RYR3: variants seen among roughly 807,000 people sequenced by gnomAD.
The protein encoded by RYR3 is ryanodine receptor 3, also known as brain ryanodine receptor-calcium release channel.
A neutral mutation model predicts 584.3 loss-of-function variants in RYR3; 207 were observed. The observed-to-expected ratio is 0.35, with a 90% confidence interval of 0.32 to 0.40. RYR3 has a LOEUF of 0.40. Ranked by LOEUF, RYR3 falls within the 10% of genes least tolerant of loss-of-function variation. RYR3 has a pLI of 1.00. For synonymous variants in RYR3, 2,416 were observed against 2,248.5 expected, an observed-to-expected ratio of 1.07 and a Z score of -2.11; for missense variants, 5,616 against 6,089.2, an observed-to-expected ratio of 0.92 and a Z score of 2.59.
chr15:33,844,806 C>T lies in RYR3; in HGVS notation c.13297-56C>T, dbSNP rs914760838. 6 of 1,450,290 alleles carry T rather than the reference C, an allele frequency of 4.1e-6. No homozygotes were observed. The African/African-American group carries it at 8.4e-5, about 20-fold the overall frequency. 89.8% of individuals were successfully genotyped at this position (1,450,290 alleles called of 1,614,324 possible). On this transcript the variant is annotated intron_variant, in intron 92 of 103. Coordinates refer to ENST00000634891, the MANE Select transcript of RYR3 (RefSeq NM_001036.6). ...AACAATATAAAATATGTGGGGAGAG[C>T]CCAATGGCTGAGGTTCTTTTTGATG... is the stretch of plus-strand genomic sequence containing the variant.
chr15:33,546,323 T>TG (rs2056232506), intron 8 of RYR3, among the ~76,000 whole-genome samples: 2 of 152,156 alleles, frequency 1.3e-5, no homozygotes, highest in South Asian at 4.1e-4. Context: ...GGAGCATAAA[T>TG]GAGAATCTTA....
chr15:33,508,726 C>T (rs942879290), intron 3 of RYR3, among the ~76,000 whole-genome samples: 1 of 152,182 alleles, frequency 6.6e-6, no homozygotes, highest in African/African-American at 2.4e-5. Flanking sequence ...ACCTTTATAA[C>T]AGACATCCTC....
At chr15:33,380,185 C>T (rs2041080677) in intron 1 of RYR3, among the ~76,000 whole-genome samples, 2 of 152,166 alleles carry the variant, frequency 1.3e-5, no homozygotes, top group Admixed American at 1.3e-4. Flanking sequence ...AGGCCTCCTT[C>T]AATCCAATCA....
At chr15:33,374,398 G>GTA (rs879600567) in intron 1 of RYR3, among the ~76,000 whole-genome samples, 50 of 130,442 alleles carry the variant, frequency 3.8e-4, no homozygotes, top group Admixed American at 5.1e-4. Context: ...GTGTGTGTGT[G>GTA]TATATATATC....
intron 58 of RYR3, among the ~76,000 whole-genome samples, chr15:33,755,994 G>C (rs141681933): frequency 0.021 from 3,159 of 152,204 alleles, 101 homozygotes; most frequent in African/African-American, 0.072. Flanking sequence ...GGCTGGTGTC[G>C]AACTCCTGAC....
chr15:33,853,744 A>G (rs1183131282), intron 96 of RYR3, 62 bp downstream of exon 96: 47 of 1,561,178 alleles, frequency 3.0e-5, no homozygotes, highest in Non-Finnish European at 3.9e-5. Flanking sequence ...TTGCTTTTCC[A>G]TAGGAAAAAA....
At position 33,838,590 on chromosome 15, in the gene RYR3, G is replaced by C; in HGVS notation, c.12610G>C (p.Gly4204Arg). 1 of 1,613,932 alleles carries C rather than the reference G, an allele frequency of 6.2e-7. No homozygotes were observed. The highest frequency in any genetic ancestry group is 8.5e-7 in the Non-Finnish European group (1 of 1,179,852). ...GLFQLLFTIL[G>R]GIFQILWSTV... ...ATTCCAGTTGCTCTTCACCATCCTG[G>C]GAGGAATCTTTCAGATCCTCTGGAG... Residue 4204 changes from glycine (G) to arginine (R), a missense_variant, in exon 89 of 104, where the codon GGA becomes CGA. Physicochemically the swap from Gly to Arg is moderately radical, Grantham distance 125. Around this residue, in one of 9 missense-constraint regions of RYR3, gnomAD observed 918 missense variants for 887.4 expected, o/e 1.03. Coordinates refer to ENST00000634891, the MANE Select transcript of RYR3 (RefSeq NM_001036.6).
intron 1 of RYR3, among the ~76,000 whole-genome samples, chr15:33,398,959 G>A (rs2042462655): frequency 6.6e-6 from 1 of 152,128 alleles, no homozygotes; most frequent in Admixed American, 6.5e-5. Flanking sequence ...GGCATTGCCT[G>A]GTTCTCTAGG....
intron 1 of RYR3, among the ~76,000 whole-genome samples, chr15:33,330,454 G>A (rs1379824788): frequency 6.6e-6 from 1 of 152,072 alleles, no homozygotes; most frequent in Non-Finnish European, 1.5e-5. Context: ...ACATATGCCT[G>A]GAGGCACTGT....
intron 12 of RYR3, among the ~76,000 whole-genome samples, chr15:33,577,999 A>T (rs75615331): frequency 6.6e-6 from 1 of 152,260 alleles, no homozygotes; most frequent in Non-Finnish European, 1.5e-5. Flanking sequence ...GCCAACAAAC[A>T]TAGGAAGAAA....
rs553543348 is a variant in RYR3, at chr15:33,830,906, G to A, written c.11335-57G>A. The stretch of plus-strand genomic sequence containing the variant: ...ATCATGTACCCTTCCCAAACACCGA[G>A]TTTAGCTTCACTGACTGAAGTCTGA... On this transcript the variant is annotated intron_variant, in intron 85 of 103. Coordinates refer to ENST00000634891, the MANE Select transcript of RYR3 (RefSeq NM_001036.6). 8 of 1,583,222 alleles carry A rather than the reference G, an allele frequency of 5.1e-6. No individual in the cohort carries two copies. In the South Asian group the frequency reaches 9.2e-5, roughly 18 times the overall value.
Position 33,801,467 on chromosome 15 carries a change from C to T in RYR3, c.9919-402C>T, listed in dbSNP as rs1813911727. ...TACAGAATGTGAATTTTCCCCACAG[C>T]AGAGACAGCTTTGCAGGGCCCTTTC... On this transcript the variant is annotated intron_variant, in intron 68 of 103. Coordinates refer to ENST00000634891, the MANE Select transcript of RYR3 (RefSeq NM_001036.6). Among the ~76,000 whole-genome samples the T allele has an allele frequency of 2.0e-5, 3 of 152,198 alleles. No individual in the cohort carries two copies. In the South Asian group the frequency reaches 6.2e-4, roughly 32 times the overall value.
intron 45 of RYR3, 73 bp from the exon 46 acceptor site, chr15:33,726,313 A>G: frequency 6.4e-7 from 1 of 1,569,264 alleles, no homozygotes; most frequent in Non-Finnish European, 8.7e-7. Flanking sequence ...TTACTGCCAG[A>G]GGTTTGGAGG....
At chr15:33,342,194 A>T (rs1342122969) in intron 1 of RYR3, among the ~76,000 whole-genome samples, 20 of 152,100 alleles carry the variant, frequency 1.3e-4, no homozygotes, top group Admixed American at 1.3e-3. Flanking sequence ...TCACATGAGC[A>T]CTCCTGCTGG....
At chr15:33,779,611 GATCC>G (rs1316808699) in intron 64 of RYR3, among the ~76,000 whole-genome samples, 1 of 152,146 alleles carries the variant, frequency 6.6e-6, no homozygotes. Context: ...AACAGGGAAG[GATCC>G]ATCTCAATTT....
At chr15:33,384,813 T>A (rs1260260326) in intron 1 of RYR3, among the ~76,000 whole-genome samples, 1 of 152,116 alleles carries the variant, frequency 6.6e-6, no homozygotes, top group Non-Finnish European at 1.5e-5. Flanking sequence ...AAATTTTGTA[T>A]CCTTTGACCA....
At chr15:33,794,319 A>AAACATATATAAAAC (rs2075432456) in intron 67 of RYR3, among the ~76,000 whole-genome samples, 1 of 129,886 alleles carries the variant, frequency 7.7e-6, no homozygotes, top group Non-Finnish European at 1.7e-5. Context: ...TTATATATAT[A>AAACATATATAAAAC]TATTTTTATA....
chr15:33,444,480 T>A (rs1397543117), intron 1 of RYR3, among the ~76,000 whole-genome samples: 1 of 152,186 alleles, frequency 6.6e-6, no homozygotes, highest in East Asian at 1.9e-4. Context: ...GCTGTGCACA[T>A]AACTTAGCGC....
chr15:33,581,515 T>C lies in RYR3; in HGVS notation c.1445T>C (p.Leu482Ser). ...RQNLFKEEGM[L>S]ALVLNCIDRL... ...CTCCACTCTCCTTCTCAGGGAATGT[T>C]GGCCCTTGTCTTAAATTGCATTGAC... Residue 482 changes from leucine to serine, a missense_variant, in exon 14 of 104, where the codon TTG (leucine) becomes TCG (serine). This residue lies in a region of RYR3 where 1,284 missense variants were observed against 1,344.6 expected (regional missense o/e 0.95). Coordinates refer to ENST00000634891, the MANE Select transcript of RYR3 (RefSeq NM_001036.6). 2 of 1,613,702 alleles carry C rather than the reference T, an allele frequency of 1.2e-6. No homozygotes were observed. Among genetic ancestry groups the C allele is most frequent in the Non-Finnish European group, 1.7e-6 (2 of 1,179,636 alleles).
Sources: gnomAD v4.1 joint callset for allele counts (sites outside exome capture counted in the v4.1 genomes callset) on GRCh38, gnomAD v4.1.1 for gene constraint, gnomAD v4.1.1 regional missense constraint, MANE v1.5 for transcripts, NCBI Gene and HGNC (gene_info 2026-07-23, HGNC 2026-07-21) for gene names.